B4GALNT3: variants seen among roughly 807,000 people sequenced by gnomAD.
B4GALNT3 encodes beta-1,4-N-acetyl-galactosaminyltransferase 3.
Under a neutral mutation model 120.2 loss-of-function variants are expected in B4GALNT3, and 86 were observed. That is an observed-to-expected ratio of 0.72 (90% CI 0.60 to 0.86). The LOEUF is 0.86. Ranked by LOEUF, B4GALNT3 falls within the 40% of genes least tolerant of loss-of-function variation. The probability of loss-of-function intolerance (pLI) is 0.00; values close to 1 mark genes in which losing one functional copy is unlikely to be tolerated. For synonymous variants in B4GALNT3, 518 were observed against 510.4 expected, an observed-to-expected ratio of 1.01 and a Z score of -0.20; for missense variants, 1,167 against 1,298.9, an observed-to-expected ratio of 0.90 and a Z score of 1.56.
chr12:552,809 G>A, intron 13 of B4GALNT3: 3 of 526,268 alleles, frequency 5.7e-6, no homozygotes, highest in East Asian at 3.2e-5. Flanking sequence ...GGGGCTTGCT[G>A]TCCCTGGCGC....
chr12:495,967 T>C lies in B4GALNT3; in HGVS notation c.169+35422T>C, dbSNP rs557228398. On this transcript the variant is annotated intron_variant, in intron 1 of 19. Transcript: ENST00000266383. ...ATATTTGTGTTTATATGTGCACATC[T>C]ATAAATATAAAAGCAGATTCACATC... Among the ~76,000 whole-genome samples the C allele has an allele frequency of 2.0e-5, 3 of 152,338 alleles. No homozygotes were observed. In the South Asian group the frequency reaches 6.2e-4, roughly 32 times the overall value.
chr12:491,644 AT>A (rs1374388768), intron 1 of B4GALNT3, among the ~76,000 whole-genome samples: 3 of 152,060 alleles, frequency 2.0e-5, no homozygotes, highest in Non-Finnish European at 2.9e-5. Flanking sequence ...TGTGATACAA[AT>A]TCTTAATAAA....
intron 3 of B4GALNT3, among the ~76,000 whole-genome samples, chr12:540,037 C>T (rs1592048515): frequency 6.6e-6 from 1 of 152,216 alleles, no homozygotes; most frequent in African/African-American, 2.4e-5. Context: ...GCCCCACTGC[C>T]GCATGAGTTA....
intron 3 of B4GALNT3, among the ~76,000 whole-genome samples, chr12:541,163 C>T (rs886859705): frequency 9.8e-5 from 15 of 152,360 alleles, no homozygotes; most frequent in African/African-American, 2.6e-4. Flanking sequence ...GGCTCTGCTG[C>T]GGCCCAGTGA....
Position 550,842 on chromosome 12 carries a change from G to C in B4GALNT3, c.998-80G>C, listed in dbSNP as rs1266412420. On this transcript the variant is annotated intron_variant, in intron 10 of 19. Coordinates refer to ENST00000266383, the MANE Select transcript of B4GALNT3 (RefSeq NM_173593.4). The surrounding 1 kb of genome is among the most constrained non-coding windows in gnomAD (Gnocchi z 4.1). Reference sequence around the variant, plus strand: ...AGCTGCCGCTTGCGAATACAGAAAGGGCCCTGCTCAGGGCAGAGGACTTCA... The same window carrying C: ...AGCTGCCGCTTGCGAATACAGAAAGCGCCCTGCTCAGGGCAGAGGACTTCA... The C allele has an allele frequency of 1.8e-6, 2 of 1,141,686 alleles. No individual in the cohort carries two copies. Among genetic ancestry groups the C allele is most frequent in the Non-Finnish European group, 2.6e-6 (2 of 781,904 alleles). The allele number at this position is 1,141,686 out of a possible 1,614,324, so 70.7% of individuals were successfully genotyped here.
chr12:489,274 C>T (rs1005939730), intron 1 of B4GALNT3, among the ~76,000 whole-genome samples: 5 of 147,912 alleles, frequency 3.4e-5, no homozygotes, highest in African/African-American at 1.3e-4. Context: ...CACCATGGCA[C>T]ATGTATACCT....
Position 550,977 on chromosome 12 carries a change from A to C in B4GALNT3, c.1053A>C (p.Lys351Asn), listed in dbSNP as rs762745746. 1.2e-6 allele frequency: 2 copies of C among 1,614,014 alleles called. No individual in the cohort carries two copies. Among genetic ancestry groups the C allele is most frequent in the South Asian group, 2.2e-5 (2 of 91,082 alleles). The change falls in exon 11 of 20, where the codon AAA (lysine) becomes AAC (asparagine). Residue 351 changes from lysine to asparagine, a missense_variant. Physicochemically the swap from Lys to Asn is moderately conservative, Grantham distance 94 (BLOSUM62 0). This residue lies in a region of B4GALNT3 where 983 missense variants were observed against 1,102.5 expected (regional missense o/e 0.89). Transcript: ENST00000266383. The surrounding 1 kb of genome is among the most constrained non-coding windows in gnomAD (Gnocchi z 4.1). ...LRHVLPDCPY[K>N]PSYLVDGLPL... ...ACGTCCTGCCTGACTGTCCCTACAA[A>C]CCCAGCTATCTGGTGGATGGGCTTC...
At chr12:541,351 CTT>C (rs1418411734) in intron 3 of B4GALNT3, among the ~76,000 whole-genome samples, 2 of 152,218 alleles carry the variant, frequency 1.3e-5, no homozygotes, top group Non-Finnish European at 2.9e-5. Context: ...GCACTTCTGA[CTT>C]TGGAAGTTTC....
rs1402807837 is a variant in B4GALNT3 at position 553,987 on chromosome 12, A to G, written c.2060+4A>G. ...AGCTCAACCAGAGGAGCCGGGGGTA[A>G]GGTAAAGGGCTCTCCTGGGGCCAGG... On this transcript the variant is annotated splice_donor_region_variant and intron_variant, in intron 14 of 19. Transcript: ENST00000266383. The G allele has an allele frequency of 1.2e-6, 2 of 1,603,894 alleles. No individual in the cohort carries two copies. Among genetic ancestry groups the G allele is most frequent in the African/African-American group, 1.3e-5 (1 of 74,852 alleles).
intron 1 of B4GALNT3, among the ~76,000 whole-genome samples, chr12:463,749 A>G (rs1946049140): frequency 6.6e-6 from 1 of 152,250 alleles, no homozygotes; most frequent in South Asian, 2.1e-4. Flanking sequence ...TGGATACAGA[A>G]AGGCTATTCG....
intron 1 of B4GALNT3, among the ~76,000 whole-genome samples, chr12:532,890 C>T (rs1167581321): frequency 6.6e-6 from 1 of 152,236 alleles, no homozygotes; most frequent in African/African-American, 2.4e-5. Flanking sequence ...TGACTCCCAA[C>T]AGTCAAGGAC....
At chr12:543,485 C>A (rs1251159659) in intron 3 of B4GALNT3, among the ~76,000 whole-genome samples, 1 of 89,504 alleles carries the variant, frequency 1.1e-5, no homozygotes, top group African/African-American at 5.0e-5. Context: ...AGCTGAGGAG[C>A]TGGGACGGGC....
intron 15 of B4GALNT3, 114 bp downstream of exon 15, chr12:556,980 C>G: frequency 8.9e-7 from 1 of 1,124,302 alleles, no homozygotes; most frequent in South Asian, 1.7e-5. Context: ...GAAAGACCAC[C>G]TTATAGTTGA....
intron 1 of B4GALNT3, among the ~76,000 whole-genome samples, chr12:522,838 G>T (rs4980931): frequency 6.6e-6 from 1 of 150,710 alleles, no homozygotes; most frequent in African/African-American, 2.4e-5. Flanking sequence ...CCTGGGAGCT[G>T]AGGTGGGATG....
Position 558,646 on chromosome 12 carries a change from C to G in B4GALNT3, c.2746C>G (p.Pro916Ala). The change falls in exon 18 of 20, where the codon CCC becomes GCC. Residue 916 changes from proline to alanine, a missense_variant. This residue lies in a region of B4GALNT3 where 983 missense variants were observed against 1,102.5 expected (regional missense o/e 0.89). Transcript: ENST00000266383. ...GATGAGGCTGCATTGTGGGGCCACC[C>G]CCCAGTGGCCTGAGGGTGAGCCCTG... ...MVMRLHCGAT[P>A]QWPEGYWEVN... 6.2e-7 allele frequency: 1 copy of G among 1,613,912 alleles called. No individual in the cohort carries two copies. The highest frequency in any genetic ancestry group is 8.5e-7 in the Non-Finnish European group (1 of 1,179,942).
intron 1 of B4GALNT3, among the ~76,000 whole-genome samples, chr12:491,355 A>C (rs551047058): frequency 6.6e-6 from 1 of 150,456 alleles, no homozygotes; most frequent in East Asian, 1.9e-4. Flanking sequence ...TTTTTAAGAC[A>C]GTCTTGCTTT....
At chr12:520,511 T>A (rs964523692) in intron 1 of B4GALNT3, among the ~76,000 whole-genome samples, 2 of 152,274 alleles carry the variant, frequency 1.3e-5, no homozygotes, top group South Asian at 4.1e-4. Context: ...ATTATCATAC[T>A]TTTCCCTGTA....
intron 1 of B4GALNT3, among the ~76,000 whole-genome samples, chr12:479,213 T>A (rs552295918): frequency 1.2e-4 from 18 of 151,850 alleles, no homozygotes; most frequent in African/African-American, 2.7e-4. Flanking sequence ...TGGCTTTTTT[T>A]TTATTATTAT....
At position 535,582 on chromosome 12, in the gene B4GALNT3, G is replaced by A. The variant is rs186328730; in HGVS notation, c.273+313G>A. On this transcript the variant is annotated intron_variant, in intron 2 of 19. Transcript: ENST00000266383. ...TCCGGGCCTGCGACCTCCATCACCA[G>A]TGGCATGTGGTGCCTCTCACTAGGG... is the stretch of plus-strand genomic sequence containing the variant. Among the ~76,000 whole-genome samples the A allele has an allele frequency of 6.7e-4, 102 of 152,310 alleles. 1 individual carries two copies. The East Asian group carries it at 7.5e-3, about 11-fold the overall frequency.
Sources: allele counts gnomAD v4.1 joint callset (sites outside exome capture counted in the v4.1 genomes callset), GRCh38; gene constraint gnomAD v4.1.1; regional missense constraint gnomAD v4.1.1; non-coding constraint Gnocchi (gnomAD v3.1); transcripts MANE v1.5; gene names NCBI Gene and HGNC (gene_info 2026-07-23, HGNC 2026-07-21).